ERC1: variants seen among roughly 807,000 people sequenced by gnomAD.
ERC1 encodes the protein ELKS/RAB6-interacting/CAST family member 1, also known as RAB6 interacting protein 2.
A neutral mutation model predicts 132.0 loss-of-function variants in ERC1; 56 were observed. The ratio of observed to expected loss-of-function variants is 0.42; its 90% CI spans 0.34 to 0.53. The LOEUF is 0.53. Among genes scored for constraint, ERC1 ranks in the 20% least tolerant of loss-of-function variants. ERC1 has a pLI of 0.03. For missense variants in ERC1, 1,202 were observed against 1,349.9 expected, an observed-to-expected ratio of 0.89 and a Z score of 1.72; for synonymous variants, 478 against 476.1, an observed-to-expected ratio of 1.00 and a Z score of -0.05.
chr12:1,251,936 T>C (rs1475298401), intron 13 of ERC1, among the ~76,000 whole-genome samples: 2 of 152,158 alleles, frequency 1.3e-5, no homozygotes, highest in African/African-American at 4.8e-5. Flanking sequence ...GAGCTCTTCT[T>C]GGTTTGCATT....
At chr12:1,042,881 C>G (rs1327367194) in intron 2 of ERC1, among the ~76,000 whole-genome samples, 1 of 152,060 alleles carries the variant, frequency 6.6e-6, no homozygotes, top group East Asian at 1.9e-4. Flanking sequence ...GGCATAGGAA[C>G]TTAAAGTAGG....
At chr12:1,143,355 TG>T (rs1833401927) in intron 8 of ERC1, among the ~76,000 whole-genome samples, 1 of 149,542 alleles carries the variant, frequency 6.7e-6, no homozygotes, top group Non-Finnish European at 1.5e-5. Flanking sequence ...TGTGTGTGTG[TG>T]TGTGTGTGTG....
intron 15 of ERC1, among the ~76,000 whole-genome samples, chr12:1,298,138 G>A (rs561585544): frequency 2.9e-4 from 44 of 152,286 alleles, no homozygotes; most frequent in Non-Finnish European, 3.4e-4. Flanking sequence ...GATAGATTAC[G>A]AAGTGTTCGA....
chr12:1,190,066 G>T lies in ERC1; in HGVS notation c.2351+14G>T. ...TGAGTTGGAAAGGTAAGAAAGTGAA[G>T]CTGATTGGGGCTTATGAGGTTAAAG... On this transcript the variant is annotated intron_variant, in intron 12 of 18. Transcript: ENST00000360905. The T allele has an allele frequency of 6.3e-7, 1 of 1,599,856 alleles. No homozygotes were observed. The highest frequency in any genetic ancestry group is 8.6e-7 in the Non-Finnish European group (1 of 1,167,670).
rs996808909 is a variant in ERC1, at chr12:1,112,236, C to T, written c.1339C>T (p.Leu447=). 6.2e-7 allele frequency: 1 copy of T among 1,612,286 alleles called. No homozygotes were observed. The highest frequency in any genetic ancestry group is 8.5e-7 in the Non-Finnish European group (1 of 1,178,624). The change falls in exon 6 of 19, where the codon CTA becomes TTA. Residue 447 remains leucine (L), a synonymous_variant. Transcript: ENST00000360905. ...KNKVEQLKEE[L]SSKEAQWEEL... Reference sequence around the variant, plus strand: ...ACAGGTAGAACAACTGAAGGAGGAACTAAGTTCGAAAGAGGCTCAATGGGA... The same window carrying T: ...ACAGGTAGAACAACTGAAGGAGGAATTAAGTTCGAAAGAGGCTCAATGGGA...
chr12:1,150,935 G>A (rs1950779530), intron 8 of ERC1, among the ~76,000 whole-genome samples: 1 of 152,106 alleles, frequency 6.6e-6, no homozygotes, highest in Non-Finnish European at 1.5e-5. Context: ...AATAAAGCAC[G>A]GACTCTTGTT....
chr12:1,206,189 T>C (rs1378306622), intron 12 of ERC1, among the ~76,000 whole-genome samples: 1 of 152,090 alleles, frequency 6.6e-6, no homozygotes, highest in African/African-American at 2.4e-5. Flanking sequence ...CAGATTATGA[T>C]TTAGTGCAGT....
intron 1 of ERC1, among the ~76,000 whole-genome samples, chr12:1,021,583 C>G (rs112237809): frequency 0.11 from 17,169 of 151,750 alleles, 1,145 homozygotes; most frequent in Admixed American, 0.19. Context: ...CCTGTAGTCC[C>G]AGCTACTCGG....
intron 16 of ERC1, among the ~76,000 whole-genome samples, chr12:1,389,440 G>C (rs977643556): frequency 5.3e-5 from 8 of 152,122 alleles, no homozygotes; most frequent in African/African-American, 1.9e-4. Flanking sequence ...TATTAACACA[G>C]GCCATTCTTT....
chr12:1,065,870 G>T (rs1352995551), intron 2 of ERC1, among the ~76,000 whole-genome samples: 1 of 152,136 alleles, frequency 6.6e-6, no homozygotes, highest in East Asian at 1.9e-4. Context: ...CTGCAGTGTG[G>T]ATATACCTCC....
chr12:1,008,914 A>G (rs971921529), intron 1 of ERC1, among the ~76,000 whole-genome samples: 1 of 152,216 alleles, frequency 6.6e-6, no homozygotes, highest in Admixed American at 6.5e-5. Flanking sequence ...GCATATGGCT[A>G]GTGGCTACCA....
rs540077368 is a variant in ERC1 at position 1,330,479 on chromosome 12, C to T, written c.2780+40467C>T. Among the ~76,000 whole-genome samples the T allele has an allele frequency of 2.1e-4, 32 of 152,210 alleles. No individual in the cohort carries two copies. In the East Asian group the frequency reaches 2.7e-3, roughly 13 times the overall value. ...TTATTATTATTTTATGAATCCTCTTCGTTACCTTTGTAACTTTAAATCATA... is the reference window on the plus strand; with the variant it reads ...TTATTATTATTTTATGAATCCTCTTTGTTACCTTTGTAACTTTAAATCATA... On this transcript the variant is annotated intron_variant, in intron 15 of 18. Transcript: ENST00000360905.
At chr12:1,057,424 C>T (rs1973171938) in intron 2 of ERC1, among the ~76,000 whole-genome samples, 1 of 151,982 alleles carries the variant, frequency 6.6e-6, no homozygotes, top group Admixed American at 6.6e-5. Context: ...CTGCGCCCAG[C>T]CTGTATATCT....
chr12:1,318,225 G>T (rs1263134019), intron 15 of ERC1, among the ~76,000 whole-genome samples: 1 of 152,108 alleles, frequency 6.6e-6, no homozygotes, highest in African/African-American at 2.4e-5. Flanking sequence ...TGGGAAATCA[G>T]GGCAGCTGCA....
chr12:1,371,382 C>T (rs1167100122), intron 15 of ERC1, among the ~76,000 whole-genome samples: 1 of 152,188 alleles, frequency 6.6e-6, no homozygotes, highest in South Asian at 2.1e-4. Context: ...GAGTCACATT[C>T]GCCTGAATGG....
chr12:1,157,247 C>T (rs189361313), intron 8 of ERC1, among the ~76,000 whole-genome samples: 32 of 152,240 alleles, frequency 2.1e-4, no homozygotes, highest in Non-Finnish European at 3.2e-4. Context: ...GGGCTACAGC[C>T]GCACACACCA....
chr12:1,180,253 ATGTGTGTGTGTGTGTGTG>A lies in ERC1; in HGVS notation c.1738-274_1738-257del, dbSNP rs3216970. On this transcript the variant is annotated intron_variant, in intron 8 of 18. Coordinates refer to ENST00000360905, the MANE Select transcript of ERC1 (RefSeq NM_178040.4). ...AGCTACTTTTCTTATTTTGTTAGGG[ATGTGTGTGTGTGTGTGTG>A]TGTGTGTGTGTGCGCGCACGCGTGT... is the stretch of plus-strand genomic sequence containing the variant. Among the ~76,000 whole-genome samples, 6 of 146,604 alleles carry A rather than the reference ATGTGTGTGTGTGTGTGTG, an allele frequency of 4.1e-5. No individual in the cohort carries two copies. In the East Asian group the frequency reaches 6.2e-4, roughly 15 times the overall value.
intron 15 of ERC1, among the ~76,000 whole-genome samples, chr12:1,325,239 A>G (rs1039959711): frequency 6.6e-6 from 1 of 152,166 alleles, no homozygotes; most frequent in Non-Finnish European, 1.5e-5. Context: ...AATAAAACGT[A>G]TCAATGTTCT....
At chr12:1,081,305 G>A (rs935193098) in intron 2 of ERC1, among the ~76,000 whole-genome samples, 1 of 152,118 alleles carries the variant, frequency 6.6e-6, no homozygotes, top group African/African-American at 2.4e-5. Flanking sequence ...AAACATTTTA[G>A]TAGTTCATCT....
Sources: allele counts gnomAD v4.1 joint callset (sites outside exome capture counted in the v4.1 genomes callset), GRCh38; gene constraint gnomAD v4.1.1; transcripts MANE v1.5; gene names NCBI Gene and HGNC (gene_info 2026-07-23, HGNC 2026-07-21).